Variants in NBPF14 observed in about 807,000 individuals in gnomAD.
The protein encoded by NBPF14 is NBPF family member NBPF14.
A neutral mutation model predicts 91.2 loss-of-function variants in NBPF14; 104 were observed. The ratio of observed to expected loss-of-function variants is 1.14; its 90% CI spans 0.97 to 1.34. The LOEUF is 1.34. NBPF14 is among the 40% of genes most tolerant of loss of function. The pLI is 0.00. For synonymous variants in NBPF14, 294 were observed against 303.8 expected, an observed-to-expected ratio of 0.97 and a Z score of 0.34; for missense variants, 908 against 783.0, an observed-to-expected ratio of 1.16 and a Z score of -1.91.
chr1:148,595,179 C>CTA (rs1420018248), intron 2 of NBPF14, among the ~76,000 whole-genome samples: 1 of 146,722 alleles, frequency 6.8e-6, no homozygotes, highest in Non-Finnish European at 1.5e-5. Context: ...GTTCACTAGT[C>CTA]CTAGACATTT....
In NBPF14 at chr1:148,535,445, A is replaced by T; in HGVS notation, c.8441+8T>A. ...CAGAATTAAGCATCCATAATTGCTC[A>T]AAGTTACCTGGGGCATGATGGGTCT... On this transcript the variant is annotated splice_region_variant and intron_variant, in intron 68 of 70. Coordinates refer to ENST00000619423, the Ensembl canonical transcript of NBPF14. The T allele has an allele frequency of 4.1e-6, 2 of 484,468 alleles. No individual in the cohort carries two copies. Among genetic ancestry groups the T allele is most frequent in the Non-Finnish European group, 7.0e-6 (2 of 285,910 alleles). The allele number at this position is 484,468 out of a possible 1,614,324, so 30.0% of individuals were successfully genotyped here.
At chr1:148,557,830 G>GC (rs1323810435) in intron 39 of NBPF14, among the ~76,000 whole-genome samples, 1 of 94,632 alleles carries the variant, frequency 1.1e-5, no homozygotes, top group Non-Finnish European at 1.9e-5. Context: ...CAAAGAAAAT[G>GC]CCCCAGATGA....
At chr1:148,566,541 AAAC>A (rs1658407464) in intron 28 of NBPF14, among the ~76,000 whole-genome samples, 7,947 of 116,722 alleles carry the variant, frequency 0.068, 325 homozygotes, top group Middle Eastern at 0.16. Context: ...ACACACACAC[AAAC>A]ACACACACAC....
chr1:148,533,752 T>C lies in NBPF14; in HGVS notation c.8723+109A>G, dbSNP rs1654250767. ...AAACCAACAGCAATGACAGTAGGAG[T>C]AATTCAGCCTTTGTTGAAAATATGA... On this transcript the variant is annotated intron_variant, in intron 70 of 70. Transcript: ENST00000619423. The C allele has an allele frequency of 7.9e-6, 6 of 758,966 alleles. 2 individuals carry two copies. In the Admixed American group the frequency reaches 8.7e-5, roughly 11 times the overall value. The allele number at this position is 758,966 out of a possible 1,614,324, so 47.0% of individuals were successfully genotyped here. A position where few individuals can be genotyped will look rare whatever the true frequency, so the allele number is the denominator to read the frequency against.
In NBPF14 at chr1:148,534,549, C is replaced by T. The variant is rs1282274707; in HGVS notation, c.8614+135G>A. 2.2e-5 allele frequency: 16 copies of T among 716,716 alleles called. 1 individual carries two copies. Among genetic ancestry groups the T allele is most frequent in the Admixed American group, 1.8e-4 (9 of 49,760 alleles). The allele number at this position is 716,716 out of a possible 1,614,324, so 44.4% of individuals were successfully genotyped here. Reference sequence around the variant, plus strand: ...TCCAGCTGAGACTACAGTTTCATTACAACCTATATGCGCCCATAGGTCCTG... The same window carrying T: ...TCCAGCTGAGACTACAGTTTCATTATAACCTATATGCGCCCATAGGTCCTG... On this transcript the variant is annotated intron_variant, in intron 69 of 70. Coordinates refer to ENST00000619423, the Ensembl canonical transcript of NBPF14.
chr1:148,556,678 A>T lies in NBPF14; in HGVS notation c.5179+12T>A. ...CAGTGGATCCTTATCACCTTCATAG[A>T]AAGGTACTCACCTCCCACATCAAGA... On this transcript the variant is annotated intron_variant, in intron 41 of 70. Transcript: ENST00000619423. 1 of 118,400 alleles carries T rather than the reference A, an allele frequency of 8.4e-6. No homozygotes were observed. Among genetic ancestry groups the T allele is most frequent in the Non-Finnish European group, 1.4e-5 (1 of 73,652 alleles). The allele number at this position is 118,400 out of a possible 1,614,324, so 7.3% of individuals were successfully genotyped here. A position where few individuals can be genotyped will look rare whatever the true frequency, so the allele number is the denominator to read the frequency against.
intron 34 of NBPF14, among the ~76,000 whole-genome samples, chr1:148,561,861 A>C (rs1350362347): frequency 1.5e-5 from 2 of 135,156 alleles, no homozygotes; most frequent in African/African-American, 7.2e-5. Flanking sequence ...AGCTCAGTGA[A>C]TTGTCCAGGT....
chr1:148,590,159 C>T (rs1264112672), intron 6 of NBPF14, among the ~76,000 whole-genome samples: 1 of 141,234 alleles, frequency 7.1e-6, no homozygotes, highest in Non-Finnish European at 1.6e-5. Flanking sequence ...TGCCAATTCT[C>T]CTGCCTCAGC....
rs1277694541 is a variant in NBPF14, at chr1:148,559,813, C to G, written c.4709G>C (p.Gly1570Ala). Residue 1570 changes from glycine (G) to alanine (A), a missense_variant, in exon 37 of 71, where the codon GGC becomes GCC. Coordinates refer to ENST00000619423, the Ensembl canonical transcript of NBPF14. ...CTCACCATCCATGTCAACAGCCAAG[C>G]CAACACGCTGCTGCTCCAATATGTA... 4.6e-6 allele frequency: 7 copies of G among 1,531,800 alleles called. 1 individual carries two copies. In the East Asian group the frequency reaches 9.9e-5, roughly 22 times the overall value. 94.9% of individuals were successfully genotyped at this position (1,531,800 alleles called of 1,614,324 possible).
At position 148,592,765 on chromosome 1, in the gene NBPF14, G is replaced by A; in HGVS notation, c.280C>T (p.Gln94Ter). Reference sequence around the variant, plus strand: ...TGAGAGTGAACCAGGACTTTATATTGCCTAAGGTGAGACGGTAGAGAAAAT... The same window carrying A: ...TGAGAGTGAACCAGGACTTTATATTACCTAAGGTGAGACGGTAGAGAAAAT... Residue 94 changes from glutamine to a stop codon, truncating the protein, a stop_gained and splice_region_variant, in exon 4 of 71, where the codon CAA (glutamine) becomes TAA (stop). Transcript: ENST00000619423. LOFTEE classifies it high-confidence loss of function. 6.3e-7 allele frequency: 1 copy of A among 1,578,208 alleles called. No homozygotes were observed. Among genetic ancestry groups the A allele is most frequent in the Non-Finnish European group, 8.7e-7 (1 of 1,154,448 alleles).
exon 63 of NBPF14, chr1:148,539,572 C>G (rs1655534355): frequency 4.0e-6 from 1 of 250,938 alleles, no homozygotes; most frequent in Non-Finnish European, 6.8e-6. Flanking sequence ...TCCAGCAGCT[C>G]CCTGCTGAGC....
intron 7 of NBPF14, among the ~76,000 whole-genome samples, chr1:148,588,136 A>T (rs1661859704): frequency 5.0e-5 from 4 of 79,960 alleles, no homozygotes; most frequent in Admixed American, 1.4e-4. Context: ...CAGGTGAGGA[A>T]ACTGAGGGAC....
At position 148,534,546 on chromosome 1, in the gene NBPF14, T is replaced by C. The variant is rs1654634120; in HGVS notation, c.8614+138A>G. On this transcript the variant is annotated intron_variant, in intron 69 of 70. Coordinates refer to ENST00000619423, the Ensembl canonical transcript of NBPF14. Reference sequence around the variant, plus strand: ...GCTTCCAGCTGAGACTACAGTTTCATTACAACCTATATGCGCCCATAGGTC... The same window carrying C: ...GCTTCCAGCTGAGACTACAGTTTCACTACAACCTATATGCGCCCATAGGTC... 3 of 713,360 alleles carry C rather than the reference T, an allele frequency of 4.2e-6. No individual in the cohort carries two copies. In the South Asian group the frequency reaches 4.4e-5, roughly 11 times the overall value. 44.2% of individuals were successfully genotyped at this position (713,360 alleles called of 1,614,324 possible).
At position 148,534,673 on chromosome 1, in the gene NBPF14, A is replaced by G; in HGVS notation, c.8614+11T>C. The G allele has an allele frequency of 1.2e-6, 1 of 802,594 alleles. No individual in the cohort carries two copies. Among genetic ancestry groups the G allele is most frequent in the Non-Finnish European group, 2.2e-6 (1 of 447,066 alleles). 49.7% of individuals were successfully genotyped at this position (802,594 alleles called of 1,614,324 possible). A position where few individuals can be genotyped will look rare whatever the true frequency, so the allele number is the denominator to read the frequency against. On this transcript the variant is annotated intron_variant, in intron 69 of 70. Transcript: ENST00000619423. The stretch of plus-strand genomic sequence containing the variant: ...GGTGGAGGCTTATCACCTTCATAGT[A>G]AGGTACTCACTGTCCACGTCAAGAG...
rs1304535629 is a variant in NBPF14 at position 148,533,971 on chromosome 1, T to G, written c.8615-2A>C. 17 of 709,076 alleles carry G rather than the reference T, an allele frequency of 2.4e-5. No homozygotes were observed. The East Asian group carries it at 3.9e-4, about 16-fold the overall frequency. The allele number at this position is 709,076 out of a possible 1,614,324, so 43.9% of individuals were successfully genotyped here. ...TCCCCTTCCCCTTCTTTTCAATTTC[T>G]GCAATAAATTCAGACATGGACAGAC... is the stretch of plus-strand genomic sequence containing the variant. On this transcript the variant is annotated splice_acceptor_variant, in intron 69 of 70. Transcript: ENST00000619423. LOFTEE classifies it high-confidence loss of function.
In NBPF14 at chr1:148,587,140, C is replaced by T. The variant is rs1404364739; in HGVS notation, c.1091+161G>A. On this transcript the variant is annotated intron_variant, in intron 8 of 70. Coordinates refer to ENST00000619423, the Ensembl canonical transcript of NBPF14. ...AACAACTGCAACCCATACATTTTTA[C>T]TATCCTTCTTCTCTGATAAATATTT... is the stretch of plus-strand genomic sequence containing the variant. Among the ~76,000 whole-genome samples the T allele has an allele frequency of 8.8e-5, 13 of 148,570 alleles. 1 individual carries two copies. Among genetic ancestry groups the T allele is most frequent in the Admixed American group, 6.0e-4 (9 of 14,920 alleles).
chr1:148,534,322 G>C (rs1212285958), intron 69 of NBPF14, among the ~76,000 whole-genome samples: 3 of 151,900 alleles, frequency 2.0e-5, no homozygotes, highest in East Asian at 1.9e-4. Context: ...CAAATACTCA[G>C]ATTGTTCATG....
At chr1:148,566,379 A>T (rs1250404878) in intron 28 of NBPF14, 64 bp from the exon 29 acceptor site, 4 of 739,030 alleles carry the variant, frequency 5.4e-6, no homozygotes, top group African/African-American at 1.8e-5. Context: ...AGCCTCAACT[A>T]GGTTTCATGG....
At position 148,566,314 on chromosome 1, in the gene NBPF14, G is replaced by C; in HGVS notation, c.3544C>G (p.Leu1182Val). ...ACTACCTCCAGCAGCTCCCTGCTGA[G>C]CCTGGAAAAGGAGGAAAAGGTAAAG... The change falls in exon 29 of 71, where the codon CTC becomes GTC. Residue 1182 changes from leucine to valine, a missense_variant and splice_region_variant. Coordinates refer to ENST00000619423, the Ensembl canonical transcript of NBPF14. 3 of 744,170 alleles carry C rather than the reference G, an allele frequency of 4.0e-6. 1 individual carries two copies. The highest frequency in any genetic ancestry group is 4.2e-5 in the African/African-American group (2 of 48,070). The allele number at this position is 744,170 out of a possible 1,614,324, so 46.1% of individuals were successfully genotyped here. A position where few individuals can be genotyped will look rare whatever the true frequency, so the allele number is the denominator to read the frequency against.
Sources: gnomAD v4.1 joint callset for allele counts (sites outside exome capture counted in the v4.1 genomes callset) on GRCh38, gnomAD v4.1.1 for gene constraint, MANE v1.5 for transcripts, NCBI Gene and HGNC (gene_info 2026-07-23, HGNC 2026-07-21) for gene names.